Variants in CASS4 observed in about 807,000 individuals in gnomAD.
The protein encoded by CASS4 is Cas scaffold protein family member 4.
In CASS4, 22 loss-of-function variants were observed where a neutral mutation model predicts 54.2. The ratio of observed to expected loss-of-function variants is 0.41; its 90% confidence interval spans 0.29 to 0.58. The LOEUF (loss-of-function observed/expected upper bound fraction) is 0.58. CASS4 is among the 20% of genes least tolerant of loss of function. The pLI is 0.36. For synonymous variants in CASS4, 409 were observed against 391.5 expected (o/e 1.04, Z -0.53); for missense variants, 854 against 986.7 (o/e 0.87, Z 1.80).
intron 5 of CASS4, 34 bp downstream of exon 5, chr20:56,453,163 G>A: frequency 6.6e-7 from 1 of 1,517,324 alleles, no homozygotes; most frequent in Middle Eastern, 1.7e-4. Flanking sequence ...CGAAAAAGGG[G>A]CTTCAATTGT....
rs183536927 is a variant in CASS4 at position 56,414,840 on chromosome 20, G to A, written c.36+2346G>A. Among the ~76,000 whole-genome samples, 103 of 152,142 alleles carry A rather than the reference G, an allele frequency of 6.8e-4. No individual in the cohort carries two copies. The highest frequency in any genetic ancestry group is 2.3e-3 in the African/African-American group (96 of 41,484). ...TGCACGTCTGTATTCCCAGCTACTC[G>A]GGAGGCTGAGGCAGGAGAATTGCTT... On this transcript the variant is annotated intron_variant, in intron 1 of 5. Transcript: ENST00000679887. This position sits in a 1 kb window ranked among gnomAD's most constrained non-coding sequence, Gnocchi z 4.1.
chr20:56,450,321 G>C (rs6024883), intron 3 of CASS4, among the ~76,000 whole-genome samples: 1 of 152,136 alleles, frequency 6.6e-6, no homozygotes, highest in Non-Finnish European at 1.5e-5. Context: ...ACCACGCCCG[G>C]CTGAGAAGTC....
At position 56,438,288 on chromosome 20, in the gene CASS4, CAA is replaced by C. The variant is rs11475169; in HGVS notation, c.459+715_459+716del. Among the ~76,000 whole-genome samples, 295 of 144,154 alleles carry C rather than the reference CAA, an allele frequency of 2.0e-3. 1 individual carries two copies. The highest frequency in any genetic ancestry group is 2.0e-3 in the Non-Finnish European group (132 of 65,400). 94.6% of individuals were successfully genotyped at this position (144,154 alleles called of 152,430 possible). On this transcript the variant is annotated intron_variant, in intron 2 of 5. Coordinates refer to ENST00000679887, the MANE Select transcript of CASS4 (RefSeq NM_020356.4). ...CTCGGTGGCAGTGAGAACCTGTTTT[CAA>C]AAAAAAAAAAAAGTATATCCCCTTC...
At chr20:56,444,217 C>T (rs752067076) in intron 2 of CASS4, among the ~76,000 whole-genome samples, 6 of 152,130 alleles carry the variant, frequency 3.9e-5, no homozygotes, top group East Asian at 1.9e-4. Flanking sequence ...TGCTGCATCC[C>T]GGGGACACCA....
chr20:56,450,487 T>C (rs1980943332), intron 3 of CASS4, 112 bp from the exon 4 acceptor site: 2 of 978,140 alleles, frequency 2.0e-6, no homozygotes, highest in Non-Finnish European at 3.1e-6. Flanking sequence ...CGAAAAGTCT[T>C]CAGGAATTTG....
chr20:56,457,112 G>A (rs1981337137), intron 5 of CASS4, among the ~76,000 whole-genome samples: 1 of 152,164 alleles, frequency 6.6e-6, no homozygotes, highest in African/African-American at 2.4e-5. Context: ...AATAATGAAG[G>A]TGCTTCTTCG....
In CASS4 at chr20:56,451,979, G is replaced by A. The variant is rs759253046; in HGVS notation, c.803G>A (p.Arg268Lys). The A allele has an allele frequency of 3.1e-6, 5 of 1,614,052 alleles. No homozygotes were observed. The African/African-American group carries it at 6.7e-5, about 22-fold the overall frequency. The change falls in exon 5 of 6, where the codon AGG becomes AAG. Residue 268 changes from arginine (R) to lysine (K), a missense_variant. Physicochemically the swap from Arg to Lys is conservative, Grantham distance 26. Transcript: ENST00000679887. ...TPLTSFAEES[R>K]PHALPSSSST... The stretch of plus-strand genomic sequence containing the variant: ...CTCACCAGCTTTGCGGAAGAATCAA[G>A]GCCCCACGCTCTCCCCAGTTCCAGC...
chr20:56,452,876 G>A lies in CASS4; in HGVS notation c.1700G>A (p.Arg567Gln), dbSNP rs757429813. The change falls in exon 5 of 6, where the codon CGG (arginine) becomes CAG (glutamine). Residue 567 changes from arginine (R) to glutamine (Q), a missense_variant. Physicochemically the swap from Arg to Gln is conservative, Grantham distance 43. Coordinates refer to ENST00000679887, the MANE Select transcript of CASS4 (RefSeq NM_020356.4). The part of the protein sequence containing the change: ...DDLERFVMVA[R>Q]MLPEDIKRFA... The stretch of plus-strand genomic sequence containing the variant: ...CTTGAGAGGTTTGTCATGGTGGCAC[G>A]GATGCTTCCAGAAGACATCAAGAGG... The A allele has an allele frequency of 7.4e-6, 12 of 1,613,930 alleles. No homozygotes were observed. Among genetic ancestry groups the A allele is most frequent in the African/African-American group, 2.7e-5 (2 of 74,878 alleles).
At chr20:56,425,521 A>C (rs147658948) in intron 1 of CASS4, among the ~76,000 whole-genome samples, 1 of 152,316 alleles carries the variant, frequency 6.6e-6, no homozygotes, top group East Asian at 1.9e-4. Context: ...GGCATCCTGG[A>C]AGTTCAGGGA....
At position 56,459,317 on chromosome 20, in the gene CASS4, A is replaced by T. The variant is rs1981490610; in HGVS notation, c.*570A>T. The T allele has an allele frequency of 6.1e-6, 1 of 164,406 alleles. No homozygotes were observed. Among genetic ancestry groups the T allele is most frequent in the Non-Finnish European group, 1.4e-5 (1 of 74,028 alleles). 10.2% of individuals were successfully genotyped at this position (164,406 alleles called of 1,614,324 possible). ...ATTCAGAAAGAAAAAATATATTCCC[A>T]ATAAAACATGTACAATTCTCCAGAG... On this transcript the variant is annotated 3_prime_UTR_variant, in exon 6 of 6. Coordinates refer to ENST00000679887, the MANE Select transcript of CASS4 (RefSeq NM_020356.4).
intron 2 of CASS4, among the ~76,000 whole-genome samples, chr20:56,438,798 A>G (rs1410196679): frequency 6.6e-6 from 1 of 152,240 alleles, no homozygotes; most frequent in East Asian, 1.9e-4. Context: ...GGAAGGTTGC[A>G]GTGAGCTGAG....
intron 1 of CASS4, among the ~76,000 whole-genome samples, chr20:56,426,058 C>A (rs1569139049): frequency 6.6e-6 from 1 of 152,220 alleles, no homozygotes; most frequent in Non-Finnish European, 1.5e-5. Flanking sequence ...CTTCATCTCC[C>A]TCTCCCAGGA....
chr20:56,458,244 TAAAAAGTCTTGC>T (rs1981393485), intron 5 of CASS4, 84 bp from the exon 6 acceptor site: 2 of 1,249,766 alleles, frequency 1.6e-6, no homozygotes, highest in Middle Eastern at 2.0e-4. Flanking sequence ...TTAAAAAAAA[TAAAAAGTCTTGC>T]AAATCTAGCC....
chr20:56,417,789 C>T (rs566466249), intron 1 of CASS4, among the ~76,000 whole-genome samples: 26 of 152,228 alleles, frequency 1.7e-4, no homozygotes, highest in Non-Finnish European at 2.9e-4. Context: ...ACTCTCAGCT[C>T]TCTAACCCCT....
intron 1 of CASS4, among the ~76,000 whole-genome samples, chr20:56,422,396 C>T (rs138573024): frequency 3.3e-5 from 5 of 152,306 alleles, no homozygotes; most frequent in South Asian, 4.1e-4. Context: ...CCTGTTCCCC[C>T]GGTGTATATT....
At position 56,455,127 on chromosome 20, in the gene CASS4, C is replaced by CT. The variant is rs201650745; in HGVS notation, c.1953+2004dup. ...ACCTCTTTTACACTTGATGTTCTTC[C>CT]TTTTTTAAAAAAAAAAAAGTCAAAG... On this transcript the variant is annotated intron_variant, in intron 5 of 5. Transcript: ENST00000679887. Among the ~76,000 whole-genome samples, 179 of 95,116 alleles carry CT rather than the reference C, an allele frequency of 1.9e-3. 1 individual carries two copies. The highest frequency in any genetic ancestry group is 6.6e-3 in the East Asian group (6 of 916). The allele number at this position is 95,116 out of a possible 152,430, so 62.4% of individuals were successfully genotyped here. A position where few individuals can be genotyped will look rare whatever the true frequency, so the allele number is the denominator to read the frequency against.
At chr20:56,456,689 A>G (rs1036201723) in intron 5 of CASS4, among the ~76,000 whole-genome samples, 1 of 148,108 alleles carries the variant, frequency 6.8e-6, no homozygotes, top group Admixed American at 6.7e-5. Flanking sequence ...TTTTTATTTT[A>G]TTTTTTTGAG....
chr20:56,448,973 G>A (rs572887423), intron 3 of CASS4, among the ~76,000 whole-genome samples: 1 of 152,282 alleles, frequency 6.6e-6, no homozygotes, highest in South Asian at 2.1e-4. Flanking sequence ...GTGCTGGAGA[G>A]GATGTGGAGA....
At position 56,458,959 on chromosome 20, in the gene CASS4, A is replaced by G. The variant is rs766457723; in HGVS notation, c.*212A>G. ...AGGAAAGAGAGTCAGGTATGAGGTAAAGACCTTGTGAAGTTTAGCATATAT... is the reference window on the plus strand; with the variant it reads ...AGGAAAGAGAGTCAGGTATGAGGTAGAGACCTTGTGAAGTTTAGCATATAT... On this transcript the variant is annotated 3_prime_UTR_variant, in exon 6 of 6. Coordinates refer to ENST00000679887, the MANE Select transcript of CASS4 (RefSeq NM_020356.4). The G allele has an allele frequency of 1.8e-6, 1 of 552,128 alleles. No homozygotes were observed. The highest frequency in any genetic ancestry group is 3.2e-6 in the Non-Finnish European group (1 of 310,084). 34.2% of individuals were successfully genotyped at this position (552,128 alleles called of 1,614,324 possible). A position where few individuals can be genotyped will look rare whatever the true frequency, so the allele number is the denominator to read the frequency against.
Sources: gnomAD v4.1 joint callset for allele counts (sites outside exome capture counted in the v4.1 genomes callset) on GRCh38, gnomAD v4.1.1 for gene constraint, Gnocchi (gnomAD v3.1) non-coding constraint, MANE v1.5 for transcripts, NCBI Gene and HGNC (gene_info 2026-07-23, HGNC 2026-07-21) for gene names.